Variants in EFCAB7 observed in about 807,000 individuals in gnomAD.
The protein encoded by EFCAB7 is EF-hand calcium-binding domain-containing protein 7.
A neutral mutation model predicts 77.1 loss-of-function variants in EFCAB7; 66 were observed. The ratio of observed to expected loss-of-function variants is 0.86; its 90% confidence interval spans 0.70 to 1.05. EFCAB7 has a LOEUF of 1.05. EFCAB7 is among the 50% of genes least tolerant of loss of function. EFCAB7 has a pLI of 0.00. For synonymous variants in EFCAB7, 225 were observed against 243.3 expected (o/e 0.92, Z 0.70); for missense variants, 638 against 730.5 (o/e 0.87, Z 1.46).
In EFCAB7 at chr1:63,545,993, G is replaced by A. The variant is rs1222844491; in HGVS notation, c.882G>A (p.Met294Ile). ...DGEIISHQYRMQIAQRSMVYL... is the reference protein window; with the variant it reads ...DGEIISHQYRIQIAQRSMVYL... Reference sequence around the variant, plus strand: ...AAATCATTAGTCATCAGTACAGGATGCAAATAGCTCAGAGGTCCATGGTTT... The same window carrying A: ...AAATCATTAGTCATCAGTACAGGATACAAATAGCTCAGAGGTCCATGGTTT... Residue 294 changes from methionine to isoleucine, a missense_variant, in exon 7 of 14, where the codon ATG becomes ATA. Transcript: ENST00000371088. The A allele has an allele frequency of 6.2e-7, 1 of 1,613,812 alleles. No individual in the cohort carries two copies. Among genetic ancestry groups the A allele is most frequent in the Admixed American group, 1.7e-5 (1 of 60,006 alleles).
At chr1:63,575,758 A>AT (rs112185781), downstream of EFCAB7, among the ~76,000 whole-genome samples, 2,685 of 147,962 alleles carry the variant, frequency 0.018, 94 homozygotes, top group African/African-American at 0.062. Context: ...TCGTTTTCAT[A>AT]TTTTTTTTTT....
chr1:63,564,616 G>A (rs1182828770), intron 11 of EFCAB7, among the ~76,000 whole-genome samples: 2 of 152,132 alleles, frequency 1.3e-5, no homozygotes, highest in African/African-American at 2.4e-5. Flanking sequence ...AATCAATATC[G>A]TTAAAATGGT....
chr1:63,560,498 C>T (rs1000885261), intron 10 of EFCAB7, among the ~76,000 whole-genome samples: 5 of 143,890 alleles, frequency 3.5e-5, no homozygotes, highest in African/African-American at 1.0e-4. Context: ...TTATGAATAA[C>T]TTTAAACTCT....
At chr1:63,584,775 CTTTATTG>C in the EFCAB7 span, among the ~76,000 whole-genome samples, 2 of 152,212 alleles carry the variant, frequency 1.3e-5, no homozygotes, top group East Asian at 1.9e-4. Context: ...CTCTAGCTAA[CTTTATTG>C]TTTATGTTCC....
the EFCAB7 span, among the ~76,000 whole-genome samples, chr1:63,579,834 C>T: frequency 6.6e-6 from 1 of 152,316 alleles, no homozygotes; most frequent in South Asian, 2.1e-4. Context: ...TTGTCATCTG[C>T]ATACATAGTA....
At chr1:63,545,345 A>G (rs78430264) in intron 6 of EFCAB7, among the ~76,000 whole-genome samples, 2,530 of 152,274 alleles carry the variant, frequency 0.017, 83 homozygotes, top group African/African-American at 0.058. Context: ...CCCAACCCCA[A>G]TCAATTAGAC....
chr1:63,570,953 C>G lies in EFCAB7; in HGVS notation c.1708-68C>G, dbSNP rs955940243. ...TTAAAACAGAATTTCAGGGTTTATT[C>G]TGAGGCTTATATTTGTCTGTAATTA... is the stretch of plus-strand genomic sequence containing the variant. On this transcript the variant is annotated intron_variant, in intron 12 of 13. Transcript: ENST00000371088. The G allele has an allele frequency of 9.5e-6, 11 of 1,155,066 alleles. No homozygotes were observed. The African/African-American group carries it at 1.7e-4, about 18-fold the overall frequency. The allele number at this position is 1,155,066 out of a possible 1,614,324, so 71.6% of individuals were successfully genotyped here.
chr1:63,560,561 G>A (rs1301717050), intron 10 of EFCAB7, among the ~76,000 whole-genome samples: 1 of 144,018 alleles, frequency 6.9e-6, no homozygotes, highest in Non-Finnish European at 1.5e-5. Context: ...CTGTCACCCA[G>A]GCTGTAGTAC....
downstream of EFCAB7, among the ~76,000 whole-genome samples, chr1:63,576,074 G>T (rs952120572): frequency 6.6e-6 from 1 of 152,160 alleles, no homozygotes; most frequent in Admixed American, 6.5e-5. Context: ...AAAAAGAACT[G>T]TAATGATTTG....
chr1:63,559,584 C>T (rs1647070938), intron 10 of EFCAB7, among the ~76,000 whole-genome samples: 2 of 152,198 alleles, frequency 1.3e-5, no homozygotes, highest in Admixed American at 1.3e-4. Context: ...ACCTTAGCCT[C>T]CTGAGTAGCT....
the EFCAB7 span, among the ~76,000 whole-genome samples, chr1:63,581,530 T>C: frequency 1.3e-5 from 2 of 152,204 alleles, no homozygotes; most frequent in African/African-American, 4.8e-5. Context: ...TGACTGATTT[T>C]CAAATTTGAA....
chr1:63,558,960 A>G (rs1647061355), intron 10 of EFCAB7, among the ~76,000 whole-genome samples: 1 of 151,422 alleles, frequency 6.6e-6, no homozygotes, highest in African/African-American at 2.4e-5. Flanking sequence ...AGGCAGTAGG[A>G]TTACTTGAGG....
chr1:63,560,512 C>CTTT (rs11347600), intron 10 of EFCAB7, among the ~76,000 whole-genome samples: 9 of 77,420 alleles, frequency 1.2e-4, no homozygotes, highest in Non-Finnish European at 1.4e-4. Context: ...AAACTCTTAA[C>CTTT]TTTTTTTTTT....
At chr1:63,551,099 G>A (rs1264138205) in intron 7 of EFCAB7, 2 of 152,210 alleles carry the variant, frequency 1.3e-5, no homozygotes, top group African/African-American at 4.8e-5. Flanking sequence ...AGGTAAGCCA[G>A]TACTTAAATC....
chr1:63,551,856 T>C (rs1408217952), intron 8 of EFCAB7, 22 bp downstream of exon 8: 3 of 1,453,150 alleles, frequency 2.1e-6, no homozygotes, highest in East Asian at 2.5e-5. Context: ...TATTTTCTAA[T>C]GTTTAATTTT....
chr1:63,584,191 A>G, the EFCAB7 span, among the ~76,000 whole-genome samples: 7 of 152,234 alleles, frequency 4.6e-5, no homozygotes, highest in African/African-American at 1.7e-4. Context: ...AAACTAAAGC[A>G]AACAGTGGAA....
intron 13 of EFCAB7, 109 bp downstream of exon 13, chr1:63,571,237 T>G: frequency 1.4e-6 from 1 of 694,508 alleles, no homozygotes; most frequent in Non-Finnish European, 2.4e-6. Context: ...AAAATTATTT[T>G]AAGTATGATA....
intron 6 of EFCAB7, among the ~76,000 whole-genome samples, chr1:63,537,520 CA>C (rs1646777527): frequency 6.6e-6 from 1 of 151,968 alleles, no homozygotes; most frequent in Non-Finnish European, 1.5e-5. Flanking sequence ...TTTGAAATTC[CA>C]AATGGTTCAT....
intron 8 of EFCAB7, among the ~76,000 whole-genome samples, chr1:63,552,969 TACTC>T (rs547518872): frequency 6.2e-4 from 95 of 152,072 alleles, no homozygotes; most frequent in Middle Eastern, 3.4e-3. Context: ...TGGGTAAAAT[TACTC>T]TCTTATGAGA....
Sources: gnomAD v4.1 joint callset for allele counts (sites outside exome capture counted in the v4.1 genomes callset) on GRCh38, gnomAD v4.1.1 for gene constraint, MANE v1.5 for transcripts, NCBI Gene and HGNC (gene_info 2026-07-23, HGNC 2026-07-21) for gene names.